The following TKFC variants were observed in gnomAD, a reference collection of about 807,000 sequenced individuals.
TKFC encodes triokinase and FMN cyclase, also known as triokinase/FMN cyclase.
Under a neutral mutation model 61.0 loss-of-function variants are expected in TKFC, and 46 were observed. That is an observed-to-expected ratio of 0.75 (90% CI 0.60 to 0.96). The LOEUF is 0.96. Among genes scored for constraint, TKFC ranks in the 50% least tolerant of loss-of-function variants. The probability of loss-of-function intolerance (pLI) is 0.00; values close to 1 mark genes in which losing one functional copy is unlikely to be tolerated. For missense variants in TKFC, 715 were observed against 777.5 expected (o/e 0.92, Z 0.96); for synonymous variants, 314 against 330.1 (o/e 0.95, Z 0.53).
rs779773135 is a variant in TKFC, at chr11:61,342,509, C to G, written c.690+14C>G. The G allele has an allele frequency of 1.4e-5, 22 of 1,614,002 alleles. No homozygotes were observed. Among genetic ancestry groups the G allele is most frequent in the African/African-American group, 8.0e-5 (6 of 74,936 alleles). ...CGCCGGATAAAGGTAGGTGGTCCCT[C>G]TGGCACAGGCCGCCCTAAGGCCAAG... On this transcript the variant is annotated intron_variant, in intron 8 of 17. Transcript: ENST00000394900.
intron 2 of TKFC, among the ~76,000 whole-genome samples, chr11:61,337,480 T>C (rs1214558566): frequency 6.6e-6 from 1 of 152,172 alleles, no homozygotes; most frequent in Non-Finnish European, 1.5e-5. Context: ...GTGCTGGGCC[T>C]GGCATACCAA....
chr11:61,339,980 CTTTTT>C (rs964378442), intron 5 of TKFC, among the ~76,000 whole-genome samples: 3 of 151,832 alleles, frequency 2.0e-5, no homozygotes, highest in African/African-American at 7.3e-5. Flanking sequence ...CTGCCTTCCT[CTTTTT>C]TTTATTTTCT....
At chr11:61,345,661 G>T in intron 15 of TKFC, 51 bp from the exon 16 acceptor site, 1 of 1,614,022 alleles carries the variant, frequency 6.2e-7, no homozygotes, top group South Asian at 1.1e-5. Context: ...CCCTCAGAGT[G>T]ATTCCCTTGG....
At position 61,339,273 on chromosome 11, in the gene TKFC, G is replaced by A; in HGVS notation, c.324G>A (p.Val108=). ...CCGCAGTGGGGACGCTCCTTATCGT[G>A]AAGAACTACACTGGGGATCGGCTCA... ...QAGTVGTLLI[V]KNYTGDRLNF... is the part of the protein sequence containing the mutation. Residue 108 remains valine, a synonymous_variant, in exon 5 of 18, where the codon GTG becomes GTA. Transcript: ENST00000394900. 6.2e-7 allele frequency: 1 copy of A among 1,613,584 alleles called. No individual in the cohort carries two copies. Among genetic ancestry groups the A allele is most frequent in the Non-Finnish European group, 8.5e-7 (1 of 1,179,798 alleles).
At chr11:61,350,829 G>T (rs145346084), downstream of TKFC, 3 of 1,011,438 alleles carry the variant, frequency 3.0e-6, no homozygotes, top group South Asian at 1.8e-5. Flanking sequence ...GCTGGTTTGG[G>T]ACCAGTGCTC....
chr11:61,343,100 C>T (rs201772458), intron 10 of TKFC: 17 of 608,344 alleles, frequency 2.8e-5, no homozygotes, highest in Admixed American at 8.8e-5. Context: ...CTCAACACAG[C>T]GCCCAGCACC....
At position 61,341,657 on chromosome 11, in the gene TKFC, C is replaced by T. The variant is rs1856860380; in HGVS notation, c.565+143C>T. 7 of 1,237,750 alleles carry T rather than the reference C, an allele frequency of 5.7e-6. No homozygotes were observed. The South Asian group carries it at 6.2e-5, about 11-fold the overall frequency. The allele number at this position is 1,237,750 out of a possible 1,614,324, so 76.7% of individuals were successfully genotyped here. A position where few individuals can be genotyped will look rare whatever the true frequency, so the allele number is the denominator to read the frequency against. On this transcript the variant is annotated intron_variant, in intron 6 of 17. Transcript: ENST00000394900. ...AGGGAGTGTATCCCTGGGGGAGCTC[C>T]TGGGGACTGGTGGCCTTGGGTACCA...
At position 61,334,648 on chromosome 11, in the gene TKFC, A is replaced by C; in HGVS notation, c.-81A>C. ...CTGCTGCTGCCTCCACTGTACTCAG[A>C]CCCAGGTAGCACAGGATTGTCCATC... is the stretch of plus-strand genomic sequence containing the variant. On this transcript the variant is annotated 5_prime_UTR_variant, in exon 2 of 18. Coordinates refer to ENST00000394900, the MANE Select transcript of TKFC (RefSeq NM_015533.4). The C allele has an allele frequency of 3.1e-6, 5 of 1,601,734 alleles. No individual in the cohort carries two copies. The highest frequency in any genetic ancestry group is 4.3e-6 in the Non-Finnish European group (5 of 1,170,324).
chr11:61,337,503 A>G (rs1856660076), intron 2 of TKFC, among the ~76,000 whole-genome samples: 1 of 152,154 alleles, frequency 6.6e-6, no homozygotes, highest in African/African-American at 2.4e-5. Flanking sequence ...GGCTGGGGAA[A>G]TGTTTGCCCC....
downstream of TKFC, chr11:61,351,250 G>T: frequency 7.9e-7 from 1 of 1,272,616 alleles, no homozygotes; most frequent in Non-Finnish European, 1.0e-6. Context: ...AACCTTCCCG[G>T]GTCCATATGT....
At position 61,336,694 on chromosome 11, in the gene TKFC, C is replaced by T. The variant is rs561453084; in HGVS notation, c.4-1247C>T. On this transcript the variant is annotated intron_variant, in intron 2 of 17. Transcript: ENST00000394900. The stretch of plus-strand genomic sequence containing the variant: ...AACCCAAGTCCCTGTAACAGCAGAG[C>T]TCAAGCCACACTCCATTCTGGCCCC... Among the ~76,000 whole-genome samples the T allele has an allele frequency of 1.4e-4, 22 of 152,308 alleles. No homozygotes were observed. The South Asian group carries it at 4.1e-3, about 29-fold the overall frequency.
intron 1 of TKFC, 50 bp from the exon 2 acceptor site, chr11:61,334,569 CA>C: frequency 2.3e-6 from 2 of 886,980 alleles, no homozygotes; most frequent in Admixed American, 4.3e-5. Context: ...GTGATTGTGC[CA>C]GTCGACTGCG....
intron 3 of TKFC, among the ~76,000 whole-genome samples, chr11:61,338,627 C>G (rs1856714788): frequency 1.3e-5 from 2 of 152,202 alleles, no homozygotes; most frequent in Non-Finnish European, 2.9e-5. Flanking sequence ...TCAGCAAAAT[C>G]CATTCATTTG....
chr11:61,350,240 G>A (rs955961394), downstream of TKFC: 17 of 906,550 alleles, frequency 1.9e-5, no homozygotes, highest in Admixed American at 8.1e-5. Flanking sequence ...GGCAGCAAGC[G>A]GCCGGAGAGG....
intron 6 of TKFC, 108 bp downstream of exon 6, chr11:61,341,622 C>T (rs1856859522): frequency 7.4e-7 from 1 of 1,359,300 alleles, no homozygotes; most frequent in African/African-American, 1.4e-5. Flanking sequence ...AGGTTATTCC[C>T]CAGGGGTCTA....
chr11:61,351,412 C>G (rs1857404785), downstream of TKFC: 1 of 254,144 alleles, frequency 3.9e-6, no homozygotes, highest in African/African-American at 2.3e-5. Flanking sequence ...GCCTCAGCCT[C>G]CCAAGTAGCT....
intron 2 of TKFC, among the ~76,000 whole-genome samples, chr11:61,337,040 C>A (rs1163659385): frequency 6.6e-6 from 1 of 152,234 alleles, no homozygotes; most frequent in Admixed American, 6.5e-5. Flanking sequence ...GCTGCGGCCC[C>A]TCCTCTATGC....
At chr11:61,345,814 T>C (rs1304036276) in intron 16 of TKFC, 43 bp from the exon 17 acceptor site, 1 of 1,614,138 alleles carries the variant, frequency 6.2e-7, no homozygotes, top group East Asian at 2.2e-5. Context: ...GCACCCTCGG[T>C]TGCAGGGCCC....
chr11:61,336,299 G>T (rs528348124), intron 2 of TKFC: 8 of 154,588 alleles, frequency 5.2e-5, no homozygotes, highest in South Asian at 2.0e-4. Flanking sequence ...TTGTACAAAG[G>T]AGCTGGTGCT....
Sources: allele counts gnomAD v4.1 joint callset (sites outside exome capture counted in the v4.1 genomes callset), GRCh38; gene constraint gnomAD v4.1.1; transcripts MANE v1.5; gene names NCBI Gene and HGNC (gene_info 2026-07-23, HGNC 2026-07-21).